KLF12: variants seen among roughly 807,000 people sequenced by gnomAD.
KLF12 encodes the protein KLF transcription factor 12.
In KLF12, 9 loss-of-function variants were observed where a neutral mutation model predicts 37.8. The ratio of observed to expected loss-of-function variants is 0.24; its 90% confidence interval spans 0.14 to 0.42. The LOEUF (loss-of-function observed/expected upper bound fraction) is 0.42. KLF12 is among the 10% of genes least tolerant of loss of function. The pLI, the probability that KLF12 is intolerant of heterozygous loss-of-function variation, is 1.00. For missense variants in KLF12, 411 were observed against 516.0 expected, an observed-to-expected ratio of 0.80 and a Z score of 1.97; for synonymous variants, 208 against 202.1, an observed-to-expected ratio of 1.03 and a Z score of -0.25.
chr13:74,242,675 C>T, the KLF12 span, among the ~76,000 whole-genome samples: 1 of 152,138 alleles, frequency 6.6e-6, no homozygotes, highest in Non-Finnish European at 1.5e-5. Flanking sequence ...CTTTAATATG[C>T]TCATCCAATA....
intron 5 of KLF12, among the ~76,000 whole-genome samples, chr13:73,777,006 A>G (rs1442624320): frequency 3.3e-5 from 5 of 152,200 alleles, no homozygotes; most frequent in Non-Finnish European, 5.9e-5. Flanking sequence ...ACAACAACAT[A>G]AGATTAAGAA....
chr13:73,945,711 A>G (rs1006647801), intron 2 of KLF12, among the ~76,000 whole-genome samples: 1 of 152,300 alleles, frequency 6.6e-6, no homozygotes, highest in African/African-American at 2.4e-5. Context: ...CACCTAGTCT[A>G]TAAGGTGATA....
At chr13:74,083,536 AC>A (rs1158397994) in intron 1 of KLF12, among the ~76,000 whole-genome samples, 14 of 149,960 alleles carry the variant, frequency 9.3e-5, no homozygotes, top group Non-Finnish European at 1.8e-4. Flanking sequence ...ACACACACAC[AC>A]ACAAACATTT....
intron 1 of KLF12, among the ~76,000 whole-genome samples, chr13:74,057,967 ATTTT>A (rs11418994): frequency 7.1e-6 from 1 of 141,698 alleles, no homozygotes. Context: ...TAGCTATGTA[ATTTT>A]TTTTTTTTTT....
intron 5 of KLF12, among the ~76,000 whole-genome samples, chr13:73,785,264 C>T (rs1881269430): frequency 6.6e-6 from 1 of 151,882 alleles, no homozygotes; most frequent in South Asian, 2.1e-4. Context: ...ACAGGTGGTG[C>T]CACCACACCA....
intron 5 of KLF12, among the ~76,000 whole-genome samples, chr13:73,776,403 T>A (rs1178983434): frequency 1.3e-5 from 2 of 152,200 alleles, no homozygotes; most frequent in East Asian, 3.8e-4. Flanking sequence ...GGCCTTGGCA[T>A]CTGAGTGTAA....
the KLF12 span, among the ~76,000 whole-genome samples, chr13:74,192,607 T>TG: frequency 3.9e-5 from 6 of 152,216 alleles, no homozygotes; most frequent in African/African-American, 1.4e-4. Flanking sequence ...TCAGTTTCGT[T>TG]AGTTTATATT....
At chr13:73,740,098 T>A (rs1426791572) in intron 6 of KLF12, among the ~76,000 whole-genome samples, 3 of 152,220 alleles carry the variant, frequency 2.0e-5, no homozygotes, top group Non-Finnish European at 4.4e-5. Flanking sequence ...GCTGGTTTTT[T>A]AAATTTTCAC....
At chr13:73,965,921 C>T (rs1374006670) in intron 2 of KLF12, among the ~76,000 whole-genome samples, 1 of 152,188 alleles carries the variant, frequency 6.6e-6, no homozygotes, top group Non-Finnish European at 1.5e-5. Context: ...CTCTAATACT[C>T]TAGTAGGCGG....
At chr13:73,710,093 T>C (rs1740718101) in intron 7 of KLF12, among the ~76,000 whole-genome samples, 1 of 152,180 alleles carries the variant, frequency 6.6e-6, no homozygotes, top group African/African-American at 2.4e-5. Context: ...GATTCTGTCC[T>C]GTATTTCCAG....
At position 73,738,116 on chromosome 13, in the gene KLF12, TATATATATACAC is replaced by T. The variant is rs1279323979; in HGVS notation, c.870-22603_870-22592del. Among the ~76,000 whole-genome samples, 297 of 66,566 alleles carry T rather than the reference TATATATATACAC, an allele frequency of 4.5e-3. 5 individuals carry two copies. Among genetic ancestry groups the T allele is most frequent in the Admixed American group, 7.2e-3 (54 of 7,480 alleles). The allele number at this position is 66,566 out of a possible 152,430, so 43.7% of individuals were successfully genotyped here. On this transcript the variant is annotated intron_variant, in intron 6 of 7. Transcript: ENST00000377669. The stretch of plus-strand genomic sequence containing the variant: ...ACATATATATATATATATATATATA[TATATATATACAC>T]ACACACACATATATATACACACACA...
intron 1 of KLF12, among the ~76,000 whole-genome samples, chr13:74,092,296 C>CAA (rs35528942): frequency 5.1e-5 from 7 of 136,794 alleles, no homozygotes; most frequent in African/African-American, 1.7e-4. Flanking sequence ...GACTCCGTCT[C>CAA]AAAAAAAAAA....
chr13:74,278,331 G>C, the KLF12 span, among the ~76,000 whole-genome samples: 1 of 152,186 alleles, frequency 6.6e-6, no homozygotes, highest in Non-Finnish European at 1.5e-5. Context: ...AGAAACAACA[G>C]CTTTTTCACT....
At chr13:74,139,071 C>T in the KLF12 span, among the ~76,000 whole-genome samples, 1 of 152,164 alleles carries the variant, frequency 6.6e-6, no homozygotes, top group East Asian at 1.9e-4. Flanking sequence ...GCTGGGCTTT[C>T]ATCTTCTTTC....
At chr13:73,744,560 T>G (rs1594038402) in intron 6 of KLF12, among the ~76,000 whole-genome samples, 5 of 145,446 alleles carry the variant, frequency 3.4e-5, no homozygotes, top group South Asian at 2.3e-4. Flanking sequence ...ACCCAGGGGG[T>G]GGTCTAGTAA....
intron 1 of KLF12, among the ~76,000 whole-genome samples, chr13:74,105,179 G>T (rs1876584743): frequency 1.3e-5 from 2 of 152,128 alleles, no homozygotes; most frequent in Non-Finnish European, 2.9e-5. Context: ...AAACAATTAT[G>T]CAGACATGAC....
chr13:74,001,072 A>G (rs767168019), intron 1 of KLF12, among the ~76,000 whole-genome samples: 29 of 152,228 alleles, frequency 1.9e-4, no homozygotes, highest in African/African-American at 6.0e-4. Context: ...CGTAAGTACC[A>G]TAAGTACTAC....
At chr13:73,718,266 A>C (rs1318437677) in intron 6 of KLF12, among the ~76,000 whole-genome samples, 3 of 152,216 alleles carry the variant, frequency 2.0e-5, no homozygotes, top group Non-Finnish European at 2.9e-5. Flanking sequence ...TTCAGTCAAT[A>C]ATGAATGTTT....
intron 1 of KLF12, among the ~76,000 whole-genome samples, chr13:74,028,155 T>C (rs1893025749): frequency 1.3e-5 from 2 of 152,176 alleles, no homozygotes; most frequent in African/African-American, 2.4e-5. Context: ...AGCACGTTGA[T>C]AGTCTTTGAC....
Sources: gnomAD v4.1 joint callset for allele counts (sites outside exome capture counted in the v4.1 genomes callset) on GRCh38, gnomAD v4.1.1 for gene constraint, MANE v1.5 for transcripts, NCBI Gene and HGNC (gene_info 2026-07-23, HGNC 2026-07-21) for gene names.